The following EDNRA variants were observed in gnomAD, a reference collection of about 807,000 sequenced individuals.
The protein encoded by EDNRA is endothelin receptor type A.
Under a neutral mutation model 41.4 loss-of-function variants are expected in EDNRA, and 11 were observed. The ratio of observed to expected loss-of-function variants is 0.27; its 90% CI spans 0.17 to 0.44. The LOEUF (loss-of-function observed/expected upper bound fraction) is 0.44, where lower values mean the gene tolerates loss of function less well. Ranked by LOEUF, EDNRA falls within the 20% of genes least tolerant of loss-of-function variation. The pLI is 1.00. For synonymous variants in EDNRA, 172 were observed against 183.0 expected, an observed-to-expected ratio of 0.94 and a Z score of 0.49; for missense variants, 294 against 531.0, an observed-to-expected ratio of 0.55 and a Z score of 4.39.
intron 2 of EDNRA, chr4:147,488,001 T>C (rs1208957412): frequency 6.6e-6 from 1 of 152,252 alleles, no homozygotes; most frequent in East Asian, 1.9e-4. Context: ...TTCTCCTTAA[T>C]GATAAATTGG....
At chr4:147,539,739 C>T (rs1731033141) in intron 5 of EDNRA, 78 bp from the exon 6 acceptor site, 2 of 1,490,510 alleles carry the variant, frequency 1.3e-6, no homozygotes, top group Non-Finnish European at 9.0e-7. Flanking sequence ...GTGTCTGCTA[C>T]TTCTTGGTAC....
In EDNRA at chr4:147,543,291, T is replaced by A. The variant is rs1281491001; in HGVS notation, c.*673T>A. On this transcript the variant is annotated 3_prime_UTR_variant, in exon 8 of 8. Coordinates refer to ENST00000651419, the MANE Select transcript of EDNRA (RefSeq NM_001957.4). ...AGCTACAACAAATACTACAGGCCCT[T>A]AAAGCACAGTCTGATGACACATTTG... is the stretch of plus-strand genomic sequence containing the variant. 1.3e-5 allele frequency: 2 copies of A among 152,218 alleles called. No individual in the cohort carries two copies. The highest frequency in any genetic ancestry group is 2.9e-5 in the Non-Finnish European group (2 of 68,032). The allele number at this position is 152,218 out of a possible 1,614,324, so 9.4% of individuals were successfully genotyped here. A position where few individuals can be genotyped will look rare whatever the true frequency, so the allele number is the denominator to read the frequency against.
rs892329081 is a variant in EDNRA at position 147,485,595 on chromosome 4, T to C, written c.-70-17T>C. ...AACTGGGTTTTGGAACAAAAATTAT[T>C]TTTCCTTTTGTTTCAGGTGAAAAAA... is the stretch of plus-strand genomic sequence containing the variant. On this transcript the variant is annotated splice_polypyrimidine_tract_variant and intron_variant, in intron 1 of 7. Transcript: ENST00000651419. 2.1e-6 allele frequency: 3 copies of C among 1,458,508 alleles called. No individual in the cohort carries two copies. The highest frequency in any genetic ancestry group is 1.8e-4 in the Middle Eastern group (1 of 5,472). The allele number at this position is 1,458,508 out of a possible 1,614,324, so 90.3% of individuals were successfully genotyped here.
intron 3 of EDNRA, chr4:147,531,563 C>G (rs550071005): frequency 6.6e-6 from 1 of 151,324 alleles, no homozygotes; most frequent in Non-Finnish European, 1.5e-5. Context: ...CCCTCCCATC[C>G]ATCCAATTTC....
intron 4 of EDNRA, among the ~76,000 whole-genome samples, chr4:147,534,229 T>C (rs1222818776): frequency 6.6e-6 from 1 of 152,148 alleles, no homozygotes; most frequent in Non-Finnish European, 1.5e-5. Flanking sequence ...AAAAAGAGGA[T>C]ACAAAAGAAG....
At chr4:147,523,093 A>C (rs1730382652) in intron 3 of EDNRA, among the ~76,000 whole-genome samples, 1 of 152,250 alleles carries the variant, frequency 6.6e-6, no homozygotes. Context: ...AAATGCTGAC[A>C]AGAAGTGCTT....
Position 147,486,478 on chromosome 4 carries a change from A to G in EDNRA, c.420+377A>G, listed in dbSNP as rs1335466477. ...TAGGCCCAGAAAATACTTGAAACAA[A>G]CATATCCTTGAGTTTAGTTACCGTT... On this transcript the variant is annotated intron_variant, in intron 2 of 7. Coordinates refer to ENST00000651419, the MANE Select transcript of EDNRA (RefSeq NM_001957.4). The surrounding 1 kb of genome is among the most constrained non-coding windows in gnomAD (Gnocchi z 4.3). Among the ~76,000 whole-genome samples, 14 of 152,234 alleles carry G rather than the reference A, an allele frequency of 9.2e-5. No individual in the cohort carries two copies. The highest frequency in any genetic ancestry group is 9.2e-4 in the Admixed American group (14 of 15,282).
At position 147,542,428 on chromosome 4, in the gene EDNRA, G is replaced by A. The variant is rs200023015; in HGVS notation, c.1144-50G>A. The stretch of plus-strand genomic sequence containing the variant: ...TGGCCCAGGGCCGCTGTGTTTGGCC[G>A]GGAATGGGCTGGTAGGCTCGCCTTA... On this transcript the variant is annotated intron_variant, in intron 7 of 7. Transcript: ENST00000651419. 9.3e-6 allele frequency: 15 copies of A among 1,610,686 alleles called. No homozygotes were observed. The Admixed American group carries it at 1.3e-4, about 14-fold the overall frequency.
chr4:147,517,139 T>A (rs1176451596), intron 2 of EDNRA, among the ~76,000 whole-genome samples: 1 of 152,220 alleles, frequency 6.6e-6, no homozygotes, highest in Non-Finnish European at 1.5e-5. Context: ...TAAGCTTTTA[T>A]ACAGCTTAAT....
At chr4:147,516,022 G>A (rs538749302) in intron 2 of EDNRA, among the ~76,000 whole-genome samples, 5 of 152,252 alleles carry the variant, frequency 3.3e-5, no homozygotes, top group South Asian at 2.1e-4. Context: ...TTTCAGGTGG[G>A]GATCAGGGGC....
intron 7 of EDNRA, 113 bp from the exon 8 acceptor site, chr4:147,542,365 T>G (rs1356514283): frequency 4.1e-6 from 6 of 1,462,904 alleles, no homozygotes; most frequent in Non-Finnish European, 5.6e-6. Context: ...AAGGTTCACT[T>G]CCCTCGAATG....
chr4:147,542,335 C>G, intron 7 of EDNRA, 143 bp from the exon 8 acceptor site: 1 of 1,086,674 alleles, frequency 9.2e-7, no homozygotes, highest in African/African-American at 1.6e-5. Context: ...ATAACAGGCT[C>G]TCCACTCTAG....
At chr4:147,505,706 T>TG (rs1276004882) in intron 2 of EDNRA, among the ~76,000 whole-genome samples, 1 of 138,234 alleles carries the variant, frequency 7.2e-6, no homozygotes, top group African/African-American at 2.8e-5. Flanking sequence ...TGGAGTGCAG[T>TG]GGCGCCATCT....
intron 3 of EDNRA, among the ~76,000 whole-genome samples, chr4:147,524,940 GAAAC>G (rs1396889025): frequency 6.6e-6 from 1 of 152,116 alleles, no homozygotes; most frequent in African/African-American, 2.4e-5. Flanking sequence ...TTTTTAAAAT[GAAAC>G]AAGGAATGAA....
chr4:147,539,042 C>A (rs1479981790), intron 5 of EDNRA, among the ~76,000 whole-genome samples: 1 of 152,064 alleles, frequency 6.6e-6, no homozygotes, highest in African/African-American at 2.4e-5. Flanking sequence ...TGATCCTGAG[C>A]AGACTGAAAG....
intron 2 of EDNRA, among the ~76,000 whole-genome samples, chr4:147,487,508 TAA>T (rs906419850): frequency 6.6e-6 from 1 of 152,202 alleles, no homozygotes; most frequent in Non-Finnish European, 1.5e-5. Context: ...GCAACTATTC[TAA>T]GAGGTAATAT....
chr4:147,536,264 A>G (rs573549790), intron 5 of EDNRA, among the ~76,000 whole-genome samples: 8 of 152,250 alleles, frequency 5.3e-5, no homozygotes, highest in Admixed American at 5.2e-4. Context: ...CTATCCCTCT[A>G]TTTTGCCAAG....
chr4:147,515,920 C>G (rs547696507), intron 2 of EDNRA, among the ~76,000 whole-genome samples: 5 of 152,150 alleles, frequency 3.3e-5, no homozygotes, highest in Admixed American at 6.5e-5. Context: ...TGCAGCTTGT[C>G]AATTCTATGA....
At chr4:147,487,335 T>C (rs1157484027) in intron 2 of EDNRA, among the ~76,000 whole-genome samples, 1 of 152,204 alleles carries the variant, frequency 6.6e-6, no homozygotes, top group Non-Finnish European at 1.5e-5. Context: ...CCATATTTGG[T>C]CTAGTTGTTG....
Sources: gnomAD v4.1 joint callset for allele counts (sites outside exome capture counted in the v4.1 genomes callset) on GRCh38, gnomAD v4.1.1 for gene constraint, Gnocchi (gnomAD v3.1) non-coding constraint, MANE v1.5 for transcripts, NCBI Gene and HGNC (gene_info 2026-07-23, HGNC 2026-07-21) for gene names.